The following AASS variants were observed in gnomAD, a reference collection of about 807,000 sequenced individuals.
AASS encodes alpha-aminoadipic semialdehyde synthase, mitochondrial.
AASS carries 86 observed loss-of-function variants against 105.4 expected under a neutral mutation model. The observed-to-expected ratio is 0.82, with a 90% CI of 0.69 to 0.98. AASS has a LOEUF of 0.98. AASS is among the 50% of genes least tolerant of loss of function. The pLI, the probability that AASS is intolerant of heterozygous loss-of-function variation, is 0.00. For missense variants in AASS, 1,048 were observed against 1,143.2 expected, an observed-to-expected ratio of 0.92 and a Z score of 1.20; for synonymous variants, 381 against 394.8, an observed-to-expected ratio of 0.96 and a Z score of 0.41.
At chr7:122,116,506 T>C (rs942510128) in intron 8 of AASS, 127 bp downstream of exon 8, 3 of 1,217,942 alleles carry the variant, frequency 2.5e-6, no homozygotes, top group Admixed American at 3.6e-5. Context: ...GGCCAAATCA[T>C]GATACCCAAA....
intron 23 of AASS, among the ~76,000 whole-genome samples, chr7:122,077,308 T>C (rs1442888187): frequency 1.3e-5 from 2 of 152,214 alleles, no homozygotes; most frequent in Non-Finnish European, 2.9e-5. Context: ...TCATTTAGTC[T>C]AAAATATTTA....
chr7:122,104,325 G>GTGGCTC (rs1466451684), intron 11 of AASS, among the ~76,000 whole-genome samples: 9 of 152,090 alleles, frequency 5.9e-5, no homozygotes, highest in Non-Finnish European at 8.8e-5. Context: ...GCCAGGCACA[G>GTGGCTC]TGGCTCACAC....
At chr7:122,077,788 G>A in intron 23 of AASS, 50 bp downstream of exon 23, 1 of 1,606,214 alleles carries the variant, frequency 6.2e-7, no homozygotes, top group Non-Finnish European at 8.5e-7. Flanking sequence ...GCACCAAATG[G>A]CTTGGAGGTG....
chr7:122,131,337 CAA>C (rs201237827), intron 2 of AASS, among the ~76,000 whole-genome samples: 4 of 136,656 alleles, frequency 2.9e-5, no homozygotes, highest in Admixed American at 7.3e-5. Context: ...ATTCTAAAGG[CAA>C]AAAAAAAAAA....
chr7:122,129,411 T>C lies in AASS; in HGVS notation c.337A>G (p.Ile113Val). The C allele has an allele frequency of 6.2e-7, 1 of 1,613,152 alleles. No individual in the cohort carries two copies. The highest frequency in any genetic ancestry group is 8.5e-7 in the Non-Finnish European group (1 of 1,179,428). The change falls in exon 3 of 24, where the codon ATA (isoleucine) becomes GTA (valine). Residue 113 changes from isoleucine to valine, a missense_variant. Coordinates refer to ENST00000417368, the MANE Select transcript of AASS (RefSeq NM_005763.4). The stretch of plus-strand genomic sequence containing the variant: ...CCCATATTGGCCTCCTGAGCTTTTA[T>C]TGTGTGGGAGAAAAATGCATAAGTC... ...RKTYAFFSHT[I>V]KAQEANMGLL...
At chr7:122,103,373 A>G (rs1382231104) in intron 11 of AASS, among the ~76,000 whole-genome samples, 1 of 152,090 alleles carries the variant, frequency 6.6e-6, no homozygotes, top group Non-Finnish European at 1.5e-5. Flanking sequence ...GCTGTCCTTC[A>G]GAAAAAAAGA....
At chr7:122,126,561 A>T (rs1795665483) in intron 3 of AASS, 102 bp from the exon 4 acceptor site, 3 of 979,616 alleles carry the variant, frequency 3.1e-6, no homozygotes, top group Non-Finnish European at 4.9e-6. Context: ...TTTCCTCTGA[A>T]ATACACCTTA....
intron 11 of AASS, among the ~76,000 whole-genome samples, chr7:122,102,037 C>T (rs1794456692): frequency 6.6e-6 from 1 of 151,920 alleles, no homozygotes; most frequent in Non-Finnish European, 1.5e-5. Flanking sequence ...CCTTCAAGGG[C>T]CTCTACTCCA....
At chr7:122,081,649 A>C in intron 19 of AASS, 54 bp from the exon 20 acceptor site, 1 of 1,296,696 alleles carries the variant, frequency 7.7e-7, no homozygotes, top group East Asian at 2.3e-5. Flanking sequence ...CAATGAAAAA[A>C]CTTAAAATAT....
Position 122,098,724 on chromosome 7 carries a change from CA to C in AASS, c.1528+20del, listed in dbSNP as rs756906600. ...CGCTATAAAATACATTTTTCTTCTT[CA>C]AAAATTAGGGCTTATTTACCTACTG... On this transcript the variant is annotated intron_variant, in intron 14 of 23. Coordinates refer to ENST00000417368, the MANE Select transcript of AASS (RefSeq NM_005763.4). 166 of 1,603,566 alleles carry C rather than the reference CA, an allele frequency of 1.0e-4. No individual in the cohort carries two copies. The highest frequency in any genetic ancestry group is 1.3e-4 in the Non-Finnish European group (156 of 1,174,124).
intron 21 of AASS, 153 bp downstream of exon 21, chr7:122,079,444 G>T: frequency 1.9e-6 from 2 of 1,079,928 alleles, no homozygotes; most frequent in Non-Finnish European, 2.7e-6. Flanking sequence ...TACTCTTTAT[G>T]CCCACATGAA....
Position 122,118,353 on chromosome 7 carries a change from A to G in AASS, c.641T>C (p.Ile214Thr), listed in dbSNP as rs1439734612. The G allele has an allele frequency of 2.5e-6, 4 of 1,614,152 alleles. No homozygotes were observed. Among genetic ancestry groups the G allele is most frequent in the African/African-American group, 2.7e-5 (2 of 75,038 alleles). The change falls in exon 6 of 24, where the codon ATA becomes ACA. Residue 214 changes from isoleucine to threonine, a missense_variant. Physicochemically the swap from Ile to Thr is moderately conservative, Grantham distance 89 (BLOSUM62 -1). Coordinates refer to ENST00000417368, the MANE Select transcript of AASS (RefSeq NM_005763.4). ...EISLGLMPKS[I>T]GPLTFVFTGT... is the part of the protein sequence containing the mutation. ...TGTGAACACAAATGTTAAGGGTCCTATTGACTTAGGCATCAAACCCAAAGA... is the reference window on the plus strand; with the variant it reads ...TGTGAACACAAATGTTAAGGGTCCTGTTGACTTAGGCATCAAACCCAAAGA...
chr7:122,077,852 T>G lies in AASS; in HGVS notation c.2648A>C (p.Lys883Thr). The G allele has an allele frequency of 1.2e-6, 2 of 1,614,206 alleles. No homozygotes were observed. The highest frequency in any genetic ancestry group is 1.7e-6 in the Non-Finnish European group (2 of 1,180,030). ...TVGLPTAMAA[K>T]MLLDGEIGAK... ...AACAGACTTACCATCAAGCAACATTTTGGCTGCCATGGCGGTGGGTAACCC... is the reference window on the plus strand; with the variant it reads ...AACAGACTTACCATCAAGCAACATTGTGGCTGCCATGGCGGTGGGTAACCC... Residue 883 changes from lysine to threonine, a missense_variant, in exon 23 of 24, where the codon AAA becomes ACA. Lys to Thr is a moderately conservative substitution (Grantham distance 78). Transcript: ENST00000417368.
chr7:122,129,415 G>A lies in AASS; in HGVS notation c.333C>T (p.His111=), dbSNP rs1266765550. The A allele has an allele frequency of 9.3e-6, 15 of 1,613,044 alleles. No individual in the cohort carries two copies. The highest frequency in any genetic ancestry group is 1.3e-5 in the Non-Finnish European group (15 of 1,179,480). The change falls in exon 3 of 24, where the codon CAC becomes CAT. Residue 111 remains histidine, a synonymous_variant. Coordinates refer to ENST00000417368, the MANE Select transcript of AASS (RefSeq NM_005763.4). The part of the protein sequence containing the change: ...MSRKTYAFFS[H]TIKAQEANMG... ...TATTGGCCTCCTGAGCTTTTATTGT[G>A]TGGGAGAAAAATGCATAAGTCTTCC...
intron 1 of AASS, among the ~76,000 whole-genome samples, chr7:122,141,545 T>A (rs1269858499): frequency 2.7e-5 from 4 of 150,060 alleles, no homozygotes; most frequent in Admixed American, 6.7e-5. Flanking sequence ...AATGAATAAA[T>A]GAAAAAGCAA....
chr7:122,098,971 A>G, intron 13 of AASS, 105 bp from the exon 14 acceptor site: 2 of 1,223,798 alleles, frequency 1.6e-6, no homozygotes, highest in Non-Finnish European at 1.1e-6. Context: ...AAACCTAAAT[A>G]ATGAAGCAAC....
At chr7:122,076,711 C>A (rs1224840049) in intron 23 of AASS, 104 bp from the exon 24 acceptor site, 2 of 869,606 alleles carry the variant, frequency 2.3e-6, no homozygotes, top group East Asian at 2.4e-5. Flanking sequence ...TCAATGAATT[C>A]TTGGAGGCCT....
At chr7:122,103,568 T>C (rs948800636) in intron 11 of AASS, among the ~76,000 whole-genome samples, 6 of 152,046 alleles carry the variant, frequency 3.9e-5, no homozygotes, top group Non-Finnish European at 8.8e-5. Flanking sequence ...AATACCCTGA[T>C]ACTACTATGG....
At chr7:122,133,412 G>C in intron 2 of AASS, 105 bp downstream of exon 2, 1 of 1,239,780 alleles carries the variant, frequency 8.1e-7, no homozygotes, top group South Asian at 1.3e-5. Context: ...TCAAAGTAAA[G>C]AAATCAAAGT....
Sources: allele counts gnomAD v4.1 joint callset (sites outside exome capture counted in the v4.1 genomes callset), GRCh38; gene constraint gnomAD v4.1.1; transcripts MANE v1.5; gene names NCBI Gene and HGNC (gene_info 2026-07-23, HGNC 2026-07-21).